The following NME7 variants were observed in gnomAD, a reference collection of about 807,000 sequenced individuals.
NME7 encodes the protein NME/NM23 family member 7.
NME7 carries 41 observed loss-of-function variants against 49.1 expected under a neutral mutation model. The ratio of observed to expected loss-of-function variants is 0.83; its 90% CI spans 0.65 to 1.08. The LOEUF is 1.08. Among genes scored for constraint, NME7 ranks in the 50% least tolerant of loss-of-function variants. The pLI, the probability that NME7 is intolerant of heterozygous loss-of-function variation, is 0.00. For synonymous variants in NME7, 139 were observed against 150.6 expected, an observed-to-expected ratio of 0.92 and a Z score of 0.56; for missense variants, 423 against 463.4, an observed-to-expected ratio of 0.91 and a Z score of 0.80.
intron 1 of NME7, among the ~76,000 whole-genome samples, chr1:169,344,654 A>ATT (rs34801027): frequency 6.6e-6 from 1 of 151,916 alleles, no homozygotes; most frequent in Admixed American, 6.6e-5. Flanking sequence ...TTATTTCACT[A>ATT]TTTTTTGTGT....
In NME7 at chr1:169,260,393, T is replaced by C. The variant is rs1455650886; in HGVS notation, c.755-22706A>G. 3.0e-5 allele frequency among the ~76,000 whole-genome samples: 4 copies of C among 133,586 alleles called. 1 individual carries two copies. Among genetic ancestry groups the C allele is most frequent in the African/African-American group, 7.6e-5 (3 of 39,504 alleles). The allele number at this position is 133,586 out of a possible 152,430, so 87.6% of individuals were successfully genotyped here. On this transcript the variant is annotated intron_variant, in intron 7 of 11. Coordinates refer to ENST00000367811, the MANE Select transcript of NME7 (RefSeq NM_013330.5). The stretch of plus-strand genomic sequence containing the variant: ...CTTTCTTCCTCCTAAGAATCAATTA[T>C]AATTATCTTGCCAGAATGTCAGCAT...
rs529723845 is a variant in NME7, at chr1:169,352,052, T to C, written c.3+15656A>G. ...TTCCAAAAAATAGAGGAAGAGGTAA[T>C]ATTTCCAAGCTCATTCTATGAGCTC... On this transcript the variant is annotated intron_variant, in intron 1 of 11. Transcript: ENST00000367811. Among the ~76,000 whole-genome samples, 9 of 151,898 alleles carry C rather than the reference T, an allele frequency of 5.9e-5. No individual in the cohort carries two copies. The East Asian group carries it at 1.7e-3, about 29-fold the overall frequency.
At chr1:169,198,199 C>G (rs1215125000) in intron 10 of NME7, among the ~76,000 whole-genome samples, 1 of 151,938 alleles carries the variant, frequency 6.6e-6, no homozygotes, top group African/African-American at 2.4e-5. Flanking sequence ...AAAAGTCATA[C>G]TAACATATAC....
At chr1:169,355,340 T>A (rs1291373969) in intron 1 of NME7, among the ~76,000 whole-genome samples, 1 of 91,134 alleles carries the variant, frequency 1.1e-5, no homozygotes, top group African/African-American at 3.9e-5. Context: ...TATTGTATAT[T>A]ATATTATATA....
intron 1 of NME7, among the ~76,000 whole-genome samples, chr1:169,325,043 T>G (rs1652010065): frequency 6.6e-6 from 1 of 152,074 alleles, no homozygotes; most frequent in African/African-American, 2.4e-5. Flanking sequence ...GTCTAGGACC[T>G]CTGAAAATGA....
intron 10 of NME7, among the ~76,000 whole-genome samples, chr1:169,192,956 T>C (rs1456573737): frequency 6.6e-6 from 1 of 152,182 alleles, no homozygotes; most frequent in Non-Finnish European, 1.5e-5. Flanking sequence ...GAATAGTCAA[T>C]TCCTGAAATA....
chr1:169,353,944 C>A (rs1305109421), intron 1 of NME7, among the ~76,000 whole-genome samples: 1 of 152,158 alleles, frequency 6.6e-6, no homozygotes, highest in Non-Finnish European at 1.5e-5. Flanking sequence ...CACTCATACA[C>A]TGTTGTTGGG....
intron 3 of NME7, among the ~76,000 whole-genome samples, chr1:169,322,812 A>G (rs1651903238): frequency 6.6e-6 from 1 of 152,152 alleles, no homozygotes; most frequent in African/African-American, 2.4e-5. Flanking sequence ...AAAAGGAAAG[A>G]ATAGATCATA....
intron 1 of NME7, among the ~76,000 whole-genome samples, chr1:169,331,463 T>C (rs1652254702): frequency 6.6e-6 from 1 of 152,098 alleles, no homozygotes; most frequent in African/African-American, 2.4e-5. Flanking sequence ...ATAATGGAAG[T>C]CCTAGCTAGA....
intron 11 of NME7, among the ~76,000 whole-genome samples, chr1:169,143,279 T>TG (rs1188651330): frequency 6.6e-6 from 1 of 151,072 alleles, no homozygotes; most frequent in African/African-American, 2.4e-5. Flanking sequence ...CAGGCTTTTT[T>TG]TTTTTTTTTT....
At chr1:169,145,266 G>A (rs1395134637) in intron 11 of NME7, among the ~76,000 whole-genome samples, 1 of 152,114 alleles carries the variant, frequency 6.6e-6, no homozygotes, top group Non-Finnish European at 1.5e-5. Context: ...CTAACTCTAA[G>A]GTTGGTACCA....
chr1:169,143,012 C>T (rs1286762159), intron 11 of NME7, among the ~76,000 whole-genome samples: 1 of 152,046 alleles, frequency 6.6e-6, no homozygotes, highest in Admixed American at 6.6e-5. Context: ...TTATAACAAC[C>T]CATAAATTAA....
intron 1 of NME7, among the ~76,000 whole-genome samples, chr1:169,365,102 A>C (rs751477065): frequency 4.6e-5 from 7 of 152,148 alleles, no homozygotes; most frequent in Non-Finnish European, 7.4e-5. Context: ...CCTCATACCA[A>C]GAAACTGACT....
At chr1:169,133,263 A>G (rs1658306891) in intron 11 of NME7, among the ~76,000 whole-genome samples, 1 of 152,128 alleles carries the variant, frequency 6.6e-6, no homozygotes. Context: ...TCCAAAAAAC[A>G]TTTTCCAGCT....
intron 7 of NME7, among the ~76,000 whole-genome samples, chr1:169,253,573 G>A (rs1648742854): frequency 6.6e-6 from 1 of 151,962 alleles, no homozygotes; most frequent in South Asian, 2.1e-4. Context: ...CTGCCTAATT[G>A]CCCGGGCCAG....
At position 169,169,164 on chromosome 1, in the gene NME7, C is replaced by G. The variant is rs1253169708; in HGVS notation, c.1098+283G>C. 8 of 392,732 alleles carry G rather than the reference C, an allele frequency of 2.0e-5. No homozygotes were observed. In the Admixed American group the frequency reaches 3.0e-4, roughly 15 times the overall value. The allele number at this position is 392,732 out of a possible 1,614,324, so 24.3% of individuals were successfully genotyped here. A position where few individuals can be genotyped will look rare whatever the true frequency, so the allele number is the denominator to read the frequency against. On this transcript the variant is annotated intron_variant, in intron 11 of 11. Coordinates refer to ENST00000367811, the MANE Select transcript of NME7 (RefSeq NM_013330.5). ...CCAAAATCATCAGATGGCCAAGTAA[C>G]AGAGTCATCCAAGGGGAACATCACA...
At chr1:169,133,537 CTA>C (rs1170786341) in intron 11 of NME7, among the ~76,000 whole-genome samples, 1 of 152,192 alleles carries the variant, frequency 6.6e-6, no homozygotes, top group African/African-American at 2.4e-5. Context: ...TCACAGTAAT[CTA>C]TTTCTCGTTT....
chr1:169,298,791 C>T (rs1650817396), intron 5 of NME7, 28 bp from the exon 6 acceptor site: 2 of 1,575,928 alleles, frequency 1.3e-6, no homozygotes, highest in Non-Finnish European at 1.7e-6. Context: ...GATTAGTTTG[C>T]TTCTTTTTTC....
intron 7 of NME7, among the ~76,000 whole-genome samples, chr1:169,274,511 T>A (rs1649622214): frequency 7.5e-6 from 1 of 134,204 alleles, no homozygotes; most frequent in Non-Finnish European, 1.7e-5. Context: ...TTGCCATTGC[T>A]TTTGGTGTTT....
Sources: allele counts gnomAD v4.1 joint callset (sites outside exome capture counted in the v4.1 genomes callset), GRCh38; gene constraint gnomAD v4.1.1; transcripts MANE v1.5; gene names NCBI Gene and HGNC (gene_info 2026-07-23, HGNC 2026-07-21).